The following DOCK2 variants were observed in gnomAD, a reference collection of about 807,000 sequenced individuals.
DOCK2 encodes dedicator of cytokinesis 2.
Under a neutral mutation model 248.9 loss-of-function variants are expected in DOCK2, and 87 were observed. The observed-to-expected ratio is 0.35, with a 90% CI of 0.29 to 0.42. The LOEUF (loss-of-function observed/expected upper bound fraction) is 0.42, where lower values mean the gene tolerates loss of function less well. Ranked by LOEUF, DOCK2 falls within the 10% of genes least tolerant of loss-of-function variation. The pLI is 1.00. For synonymous variants in DOCK2, 805 were observed against 821.6 expected (o/e 0.98, Z 0.35); for missense variants, 1,747 against 2,300.2 (o/e 0.76, Z 4.92).
intron 37 of DOCK2, 34 bp from the exon 38 acceptor site, chr5:170,041,979 G>T: frequency 6.2e-7 from 1 of 1,608,652 alleles, no homozygotes; most frequent in East Asian, 2.2e-5. Context: ...CAGCCTCTCG[G>T]CCCTGTGTGA....
At chr5:169,894,310 A>G (rs1481177302) in intron 27 of DOCK2, among the ~76,000 whole-genome samples, 2 of 152,230 alleles carry the variant, frequency 1.3e-5, no homozygotes, top group East Asian at 3.8e-4. Context: ...AATGGAGGCC[A>G]GAAGAAGCTG....
chr5:170,056,746 T>C lies in DOCK2; in HGVS notation c.4358T>C (p.Val1453Ala), dbSNP rs757663538. The C allele has an allele frequency of 6.2e-7, 1 of 1,614,054 alleles. No individual in the cohort carries two copies. Among genetic ancestry groups the C allele is most frequent in the Non-Finnish European group, 8.5e-7 (1 of 1,179,952 alleles). Residue 1453 changes from valine (V) to alanine (A), a missense_variant, in exon 43 of 52, where the codon GTA becomes GCA. Val to Ala is a moderately conservative substitution (Grantham distance 64, BLOSUM62 0). This residue lies in a region of DOCK2 where 513 missense variants were observed against 586.1 expected (regional missense o/e 0.88). Coordinates refer to ENST00000520908, the MANE Select transcript of DOCK2 (RefSeq NM_004946.3). ...TCCCGGCCCGTGCGCAGGGGGACCG[T>C]AGACCCAGAGAATGAGTTTGCTGTG... ...HYSRPVRRGT[V>A]DPENEFASMW...
intron 34 of DOCK2, among the ~76,000 whole-genome samples, chr5:170,031,269 C>T (rs1756127536): frequency 6.6e-6 from 1 of 152,208 alleles, no homozygotes; most frequent in Non-Finnish European, 1.5e-5. Context: ...AAGGACCTGT[C>T]ACAGGTCATT....
chr5:169,876,681 G>C (rs1161355439), intron 27 of DOCK2, among the ~76,000 whole-genome samples: 1 of 152,228 alleles, frequency 6.6e-6, no homozygotes, highest in African/African-American at 2.4e-5. Context: ...CTTACATTCA[G>C]CTTAAAAAGA....
At chr5:169,716,065 C>A in intron 19 of DOCK2, 148 bp from the exon 20 acceptor site, 1 of 656,036 alleles carries the variant, frequency 1.5e-6, no homozygotes, top group Non-Finnish European at 2.5e-6. Flanking sequence ...TTCTGGCTCT[C>A]GTGAGTAAAA....
intron 27 of DOCK2, among the ~76,000 whole-genome samples, chr5:169,944,463 AG>A (rs1219056173): frequency 6.6e-6 from 1 of 152,212 alleles, no homozygotes. Context: ...ATGCTGAAGG[AG>A]GCAGGAGATT....
chr5:169,954,449 C>G, intron 27 of DOCK2, among the ~76,000 whole-genome samples: 2 of 152,148 alleles, frequency 1.3e-5, no homozygotes, highest in East Asian at 3.9e-4. Flanking sequence ...AATGTGTTTT[C>G]AGACCTCAGG....
chr5:169,806,306 A>G (rs529429056), intron 26 of DOCK2, among the ~76,000 whole-genome samples: 87 of 88,206 alleles, frequency 9.9e-4, no homozygotes, highest in African/African-American at 2.8e-3. Flanking sequence ...CACTTGGTTA[A>G]TTAGTTAATT....
chr5:169,713,630 T>G (rs1429505089), intron 17 of DOCK2, among the ~76,000 whole-genome samples: 1 of 152,174 alleles, frequency 6.6e-6, no homozygotes, highest in African/African-American at 2.4e-5. Context: ...AGGGTCCAGA[T>G]CCCAGCACAC....
At chr5:169,933,800 A>G (rs773352143) in intron 27 of DOCK2, among the ~76,000 whole-genome samples, 2 of 152,022 alleles carry the variant, frequency 1.3e-5, no homozygotes, top group Non-Finnish European at 2.9e-5. Context: ...CAACATGCAG[A>G]TTTATGAGGT....
rs70979150 is a variant in DOCK2, at chr5:169,961,978, C to CAAAAAAAAAAAAAAAAAAAA, written c.2800-21073_2800-21072insAAAAAAAAAAAAAAAAAAAA. 3.0e-3 allele frequency among the ~76,000 whole-genome samples: 227 copies of CAAAAAAAAAAAAAAAAAAAA among 74,596 alleles called. 66 individuals carry two copies. The highest frequency in any genetic ancestry group is 7.9e-3 in the Middle Eastern group (1 of 126). 48.9% of individuals were successfully genotyped at this position (74,596 alleles called of 152,430 possible). A position where few individuals can be genotyped will look rare whatever the true frequency, so the allele number is the denominator to read the frequency against. ...TGGGTGAAAAAGTGAGACTCTGTCC[C>CAAAAAAAAAAAAAAAAAAAA]AAAAAAAAAAAAAAAAATGGAGAAA... On this transcript the variant is annotated intron_variant, in intron 27 of 51. Coordinates refer to ENST00000520908, the MANE Select transcript of DOCK2 (RefSeq NM_004946.3).
intron 26 of DOCK2, among the ~76,000 whole-genome samples, chr5:169,823,420 C>A (rs1441745997): frequency 6.6e-6 from 1 of 152,184 alleles, no homozygotes; most frequent in Non-Finnish European, 1.5e-5. Context: ...AGCTTATCCA[C>A]CGTGATCAAG....
intron 27 of DOCK2, among the ~76,000 whole-genome samples, chr5:169,942,117 G>C (rs1237399498): frequency 6.6e-6 from 1 of 152,172 alleles, no homozygotes; most frequent in Admixed American, 6.5e-5. Flanking sequence ...CTTTTCCAAG[G>C]TATCAGGAAG....
chr5:169,903,186 AG>A (rs1277953236), intron 27 of DOCK2, among the ~76,000 whole-genome samples: 1 of 151,700 alleles, frequency 6.6e-6, no homozygotes, highest in African/African-American at 2.4e-5. Flanking sequence ...CTGAGGTGGG[AG>A]GATCTTTTCA....
intron 44 of DOCK2, among the ~76,000 whole-genome samples, chr5:170,064,242 C>A (rs78760014): frequency 6.6e-6 from 1 of 151,870 alleles, no homozygotes; most frequent in Non-Finnish European, 1.5e-5. Context: ...AATGAAGAAA[C>A]AGGGTAATAT....
At chr5:169,988,361 A>T (rs1043139795) in intron 29 of DOCK2, among the ~76,000 whole-genome samples, 1 of 152,206 alleles carries the variant, frequency 6.6e-6, no homozygotes, top group Non-Finnish European at 1.5e-5. Flanking sequence ...TATAATGTAG[A>T]ACAACTATAA....
chr5:169,671,260 G>T, intron 5 of DOCK2, 86 bp downstream of exon 5: 1 of 1,274,806 alleles, frequency 7.8e-7, no homozygotes, highest in Non-Finnish European at 1.1e-6. Flanking sequence ...ATTGAGTCAG[G>T]CAGGTGGAGG....
chr5:169,984,161 G>T (rs896508355), intron 28 of DOCK2, among the ~76,000 whole-genome samples: 1 of 152,136 alleles, frequency 6.6e-6, no homozygotes, highest in African/African-American at 2.4e-5. Context: ...CAATCTGCTT[G>T]CTCAAGGTCC....
At chr5:170,005,066 A>AT (rs1754975365) in intron 30 of DOCK2, among the ~76,000 whole-genome samples, 3 of 113,608 alleles carry the variant, frequency 2.6e-5, no homozygotes, top group Admixed American at 1.7e-4. Context: ...TTAAAGTATA[A>AT]TAAAAAAAAA....
Sources: allele counts gnomAD v4.1 joint callset (sites outside exome capture counted in the v4.1 genomes callset), GRCh38; gene constraint gnomAD v4.1.1; regional missense constraint gnomAD v4.1.1; transcripts MANE v1.5; gene names NCBI Gene and HGNC (gene_info 2026-07-23, HGNC 2026-07-21).